BMPR1B: variants seen among roughly 807,000 people sequenced by gnomAD.
BMPR1B encodes bone morphogenetic protein receptor type-1B.
In BMPR1B, 12 loss-of-function variants were observed where a neutral mutation model predicts 59.1. The observed-to-expected ratio is 0.20, with a 90% confidence interval of 0.13 to 0.33. The LOEUF (loss-of-function observed/expected upper bound fraction) is 0.33. BMPR1B is among the 10% of genes least tolerant of loss of function. The probability of loss-of-function intolerance (pLI) is 1.00; values close to 1 mark genes in which losing one functional copy is unlikely to be tolerated. For missense variants in BMPR1B, 550 were observed against 610.9 expected (o/e 0.90, Z 1.05); for synonymous variants, 237 against 207.3 (o/e 1.14, Z -1.23).
At chr4:94,854,239 G>C (rs753375378) in intron 1 of BMPR1B, among the ~76,000 whole-genome samples, 12 of 152,046 alleles carry the variant, frequency 7.9e-5, no homozygotes, top group Non-Finnish European at 1.6e-4. Flanking sequence ...TAATATAAAG[G>C]AGAGATTATA....
intron 1 of BMPR1B, among the ~76,000 whole-genome samples, chr4:94,812,159 A>G (rs1172763628): frequency 6.6e-6 from 1 of 151,636 alleles, no homozygotes; most frequent in Non-Finnish European, 1.5e-5. Context: ...CTATGTGATT[A>G]ATTCACTTAG....
At chr4:94,783,782 G>A (rs879812213) in intron 1 of BMPR1B, among the ~76,000 whole-genome samples, 2 of 151,942 alleles carry the variant, frequency 1.3e-5, no homozygotes, top group Non-Finnish European at 2.9e-5. Flanking sequence ...TGTGAGTAGG[G>A]ACTGGTGGAG....
chr4:95,129,058 T>C (rs936220118), intron 8 of BMPR1B, among the ~76,000 whole-genome samples: 2 of 152,006 alleles, frequency 1.3e-5, no homozygotes, highest in African/African-American at 4.8e-5. Context: ...TTTCTTATGT[T>C]ATACCCATGA....
intron 2 of BMPR1B, among the ~76,000 whole-genome samples, chr4:94,980,637 A>T (rs1001609025): frequency 2.0e-5 from 3 of 152,086 alleles, no homozygotes; most frequent in Admixed American, 6.6e-5. Context: ...TCTGTGAGGT[A>T]ATGGTGTCCT....
At chr4:95,042,637 A>C (rs1250532023) in intron 3 of BMPR1B, among the ~76,000 whole-genome samples, 1 of 152,200 alleles carries the variant, frequency 6.6e-6, no homozygotes, top group Non-Finnish European at 1.5e-5. Context: ...TGTTAAGTAC[A>C]CACGTAGTGC....
intron 1 of BMPR1B, among the ~76,000 whole-genome samples, chr4:94,840,814 G>A (rs796183167): frequency 6.0e-5 from 9 of 148,792 alleles, no homozygotes; most frequent in Non-Finnish European, 1.2e-4. Flanking sequence ...GAGGAACTGC[G>A]TTCCTTTGGA....
rs1735490779 is a variant in BMPR1B, at chr4:95,157,279, A to T, written c.*2606A>T. The T allele has an allele frequency of 6.6e-6, 1 of 152,124 alleles. No homozygotes were observed. The allele number at this position is 152,124 out of a possible 1,614,324, so 9.4% of individuals were successfully genotyped here. A position where few individuals can be genotyped will look rare whatever the true frequency, so the allele number is the denominator to read the frequency against. ...AGCGATTATAGTTGCTCAATGAAAC[A>T]AGAATTTATTTATGCATAGATTTTT... On this transcript the variant is annotated 3_prime_UTR_variant, in exon 13 of 13. Transcript: ENST00000515059.
At position 94,832,200 on chromosome 4, in the gene BMPR1B, G is replaced by C. The variant is rs188976719; in HGVS notation, c.-182-43631G>C. Among the ~76,000 whole-genome samples, 26 of 152,226 alleles carry C rather than the reference G, an allele frequency of 1.7e-4. No individual in the cohort carries two copies. The East Asian group carries it at 4.4e-3, about 26-fold the overall frequency. On this transcript the variant is annotated intron_variant, in intron 1 of 12. Transcript: ENST00000515059. ...GTGCCAAAAAGGTTGAGAACCGCTG[G>C]CCTACAGTATTTAGTACAGAGAAAT...
chr4:95,045,731 G>T (rs1047948709), intron 3 of BMPR1B, among the ~76,000 whole-genome samples: 4 of 152,120 alleles, frequency 2.6e-5, no homozygotes, highest in Non-Finnish European at 5.9e-5. Flanking sequence ...TTACTGTACT[G>T]CATTGTCATT....
chr4:95,152,958 A>G (rs1016102946), intron 12 of BMPR1B, among the ~76,000 whole-genome samples, 185 bp downstream of exon 12: 2 of 152,224 alleles, frequency 1.3e-5, no homozygotes, highest in African/African-American at 2.4e-5. Flanking sequence ...TACTTTTCCA[A>G]TTTTATTTTG....
chr4:94,983,147 A>G (rs1386424864), intron 2 of BMPR1B, among the ~76,000 whole-genome samples: 1 of 152,138 alleles, frequency 6.6e-6, no homozygotes, highest in Non-Finnish European at 1.5e-5. Context: ...GTCAGCTCCA[A>G]GGGCTCTGCT....
chr4:95,154,591 A>G lies in BMPR1B; in HGVS notation c.1427A>G (p.His476Arg). 1 of 1,614,138 alleles carries G rather than the reference A, an allele frequency of 6.2e-7. No homozygotes were observed. Among genetic ancestry groups the G allele is most frequent in the Non-Finnish European group, 8.5e-7 (1 of 1,179,980 alleles). Residue 476 changes from histidine (H) to arginine (R), a missense_variant, in exon 13 of 13, where the codon CAC (histidine) becomes CGC (arginine). His to Arg is a conservative substitution (Grantham distance 29). This residue lies in a region of BMPR1B where 123 missense variants were observed against 164.6 expected (regional missense o/e 0.75). Coordinates refer to ENST00000515059, the MANE Select transcript of BMPR1B (RefSeq NM_001203.3). ...AAACTCATGACAGAATGCTGGGCTC[A>G]CAATCCTGCATCAAGGCTGACAGCC... Reference protein sequence around the residue: ...MGKLMTECWAHNPASRLTALR... With the variant: ...MGKLMTECWARNPASRLTALR...
chr4:94,848,398 A>G (rs775304044), intron 1 of BMPR1B, among the ~76,000 whole-genome samples: 3 of 152,260 alleles, frequency 2.0e-5, no homozygotes, highest in Admixed American at 2.0e-4. Flanking sequence ...GTGAGGTACA[A>G]TTCGTTTTAT....
At chr4:94,932,553 T>G (rs1451290601) in intron 2 of BMPR1B, among the ~76,000 whole-genome samples, 1 of 152,134 alleles carries the variant, frequency 6.6e-6, no homozygotes, top group Non-Finnish European at 1.5e-5. Flanking sequence ...TAGCAGAGCT[T>G]GTAAAAATAT....
In BMPR1B at chr4:94,869,923, A is replaced by G. The variant is rs145278965; in HGVS notation, c.-182-5908A>G. On this transcript the variant is annotated intron_variant, in intron 1 of 12. Coordinates refer to ENST00000515059, the MANE Select transcript of BMPR1B (RefSeq NM_001203.3). The stretch of plus-strand genomic sequence containing the variant: ...AATACTTGTGCACAGCATAACAAGT[A>G]TCTTTTAGACTGAATACATTAATAG... Among the ~76,000 whole-genome samples the G allele has an allele frequency of 8.3e-3, 1,270 of 152,330 alleles. 4 individuals carry two copies. Among genetic ancestry groups the G allele is most frequent in the Non-Finnish European group, 0.013 (892 of 68,026 alleles).
At chr4:95,066,805 C>T (rs879272444) in intron 3 of BMPR1B, among the ~76,000 whole-genome samples, 20 of 152,050 alleles carry the variant, frequency 1.3e-4, no homozygotes, top group Non-Finnish European at 7.4e-5. Flanking sequence ...TTAACAAGCC[C>T]CTCAGTGATT....
intron 2 of BMPR1B, among the ~76,000 whole-genome samples, chr4:94,961,431 A>C (rs554383664): frequency 6.6e-6 from 1 of 152,038 alleles, no homozygotes; most frequent in Non-Finnish European, 1.5e-5. Context: ...CACTGATTTC[A>C]TTTGTCTTTC....
intron 3 of BMPR1B, among the ~76,000 whole-genome samples, chr4:95,045,548 C>A (rs568574395): frequency 1.2e-3 from 189 of 152,276 alleles, no homozygotes; most frequent in African/African-American, 4.4e-3. Context: ...TACTGTACTG[C>A]CTGTTCTCTT....
intron 2 of BMPR1B, among the ~76,000 whole-genome samples, chr4:94,947,614 G>C (rs1011247826): frequency 6.6e-6 from 1 of 152,224 alleles, no homozygotes; most frequent in Non-Finnish European, 1.5e-5. Context: ...AAATGTGTTT[G>C]TTGATTGAAG....
Sources: allele counts gnomAD v4.1 joint callset (sites outside exome capture counted in the v4.1 genomes callset), GRCh38; gene constraint gnomAD v4.1.1; regional missense constraint gnomAD v4.1.1; transcripts MANE v1.5; gene names NCBI Gene and HGNC (gene_info 2026-07-23, HGNC 2026-07-21).